Variants in DIAPH3 observed in about 807,000 individuals in gnomAD.
DIAPH3 encodes protein diaphanous homolog 3.
In DIAPH3, 117 loss-of-function variants were observed where a neutral mutation model predicts 144.3. The observed-to-expected ratio is 0.81, with a 90% CI of 0.70 to 0.95. DIAPH3 has a LOEUF of 0.95. Ranked by LOEUF, DIAPH3 falls within the 40% of genes least tolerant of loss-of-function variation. The pLI, the probability that DIAPH3 is intolerant of heterozygous loss-of-function variation, is 0.00. For missense variants in DIAPH3, 1,421 were observed against 1,412.7 expected (o/e 1.01, Z -0.09); for synonymous variants, 519 against 488.9 (o/e 1.06, Z -0.81).
intron 2 of DIAPH3, among the ~76,000 whole-genome samples, chr13:60,128,280 A>C (rs1253919369): frequency 6.6e-6 from 1 of 152,106 alleles, no homozygotes; most frequent in Non-Finnish European, 1.5e-5. Context: ...ATGGTGTATT[A>C]GTACCATACT....
chr13:60,048,892 G>C (rs2056205448), intron 4 of DIAPH3, among the ~76,000 whole-genome samples: 1 of 149,546 alleles, frequency 6.7e-6, no homozygotes, highest in Admixed American at 6.7e-5. Flanking sequence ...GAAGATGTTT[G>C]TTTCTTTTAA....
intron 17 of DIAPH3, among the ~76,000 whole-genome samples, chr13:59,953,426 T>A (rs978351328): frequency 6.6e-6 from 1 of 152,094 alleles, no homozygotes; most frequent in Non-Finnish European, 1.5e-5. Flanking sequence ...GAGAACTACA[T>A]GGAATGTGGA....
chr13:59,971,581 G>T (rs2050380517), intron 15 of DIAPH3, among the ~76,000 whole-genome samples: 1 of 152,144 alleles, frequency 6.6e-6, no homozygotes, highest in South Asian at 2.1e-4. Flanking sequence ...TGGAGTGCAA[G>T]CATTTAAGTG....
chr13:60,047,000 A>G (rs910108448), intron 4 of DIAPH3, among the ~76,000 whole-genome samples: 1 of 152,172 alleles, frequency 6.6e-6, no homozygotes, highest in Non-Finnish European at 1.5e-5. Context: ...AGAGAGGGAT[A>G]GCATTAGGAC....
intron 27 of DIAPH3, among the ~76,000 whole-genome samples, chr13:59,687,465 A>G (rs1341718813): frequency 2.6e-5 from 4 of 152,046 alleles, no homozygotes; most frequent in African/African-American, 7.2e-5. Context: ...AAGAAAACAC[A>G]CCCATTTTTA....
At chr13:59,814,145 T>C (rs1477544325) in intron 24 of DIAPH3, among the ~76,000 whole-genome samples, 2 of 152,188 alleles carry the variant, frequency 1.3e-5, no homozygotes, top group Admixed American at 1.3e-4. Flanking sequence ...CATTTTCTGA[T>C]GTGAATTTTC....
rs372421495 is a variant in DIAPH3, at chr13:59,924,728, A to C, written c.2170+47T>G. The C allele has an allele frequency of 3.2e-5, 50 of 1,575,848 alleles. No individual in the cohort carries two copies. In the African/African-American group the frequency reaches 6.1e-4, roughly 19 times the overall value. On this transcript the variant is annotated intron_variant, in intron 18 of 27. Transcript: ENST00000400324. The stretch of plus-strand genomic sequence containing the variant: ...TCTTAAAGAAAATGAAATCATTTAA[A>C]GAAATATTTCCACTGTCTTTGAATG...
intron 18 of DIAPH3, among the ~76,000 whole-genome samples, chr13:59,920,802 T>G (rs1226702577): frequency 6.6e-6 from 1 of 151,912 alleles, no homozygotes. Context: ...TTCTCTCAAC[T>G]GCACATGGAA....
At chr13:60,105,104 A>AAAAAAAAAAC (rs2058380339) in intron 3 of DIAPH3, among the ~76,000 whole-genome samples, 11 of 66,288 alleles carry the variant, frequency 1.7e-4, no homozygotes, top group South Asian at 1.1e-3. Context: ...GATCTCAAAA[A>AAAAAAAAAAC]AAAAAAAAAA....
intron 4 of DIAPH3, among the ~76,000 whole-genome samples, chr13:60,048,160 A>G (rs2056173559): frequency 6.6e-6 from 1 of 152,228 alleles, no homozygotes; most frequent in Non-Finnish European, 1.5e-5. Flanking sequence ...CTCATTGTGC[A>G]GAGAGAGGCA....
intron 4 of DIAPH3, among the ~76,000 whole-genome samples, chr13:60,046,241 G>C (rs1171815133): frequency 1.3e-5 from 2 of 152,102 alleles, no homozygotes; most frequent in African/African-American, 4.8e-5. Flanking sequence ...AAATCTTAAT[G>C]CTTTAGTTCA....
chr13:60,129,757 T>A (rs1236831349), intron 2 of DIAPH3, among the ~76,000 whole-genome samples: 1 of 152,206 alleles, frequency 6.6e-6, no homozygotes, highest in African/African-American at 2.4e-5. Context: ...GAAAACATAT[T>A]GCCAGTACAT....
At chr13:59,667,274 A>C (rs747615307) in intron 27 of DIAPH3, among the ~76,000 whole-genome samples, 2 of 152,198 alleles carry the variant, frequency 1.3e-5, no homozygotes, top group Admixed American at 6.5e-5. Flanking sequence ...ATGGCTGGAC[A>C]CACAATATAT....
At chr13:60,010,857 G>T (rs2053200583) in intron 7 of DIAPH3, among the ~76,000 whole-genome samples, 188 bp from the exon 8 acceptor site, 1 of 152,058 alleles carries the variant, frequency 6.6e-6, no homozygotes, top group South Asian at 2.1e-4. Flanking sequence ...TGTAATCCCA[G>T]AACTTTGGGA....
chr13:59,675,664 C>T (rs1283590520), intron 27 of DIAPH3, among the ~76,000 whole-genome samples: 3 of 152,142 alleles, frequency 2.0e-5, no homozygotes, highest in Non-Finnish European at 4.4e-5. Context: ...TACAACAATC[C>T]CAAAGTGCAG....
At chr13:59,944,648 T>G (rs913300817) in intron 17 of DIAPH3, among the ~76,000 whole-genome samples, 3 of 152,186 alleles carry the variant, frequency 2.0e-5, no homozygotes, top group Non-Finnish European at 4.4e-5. Flanking sequence ...AGATTTGACT[T>G]CTACTGCTAC....
rs2048179556 is a variant in DIAPH3 at position 59,934,703 on chromosome 13, G to A, written c.2075-9833C>T. ...TCATTCTATAAATCAGGAAACCTAA[G>A]CAGAGAATATAAGCTACATGCTGAA... On this transcript the variant is annotated intron_variant, in intron 17 of 27. Coordinates refer to ENST00000400324, the MANE Select transcript of DIAPH3 (RefSeq NM_001042517.2). 4.0e-5 allele frequency among the ~76,000 whole-genome samples: 6 copies of A among 151,880 alleles called. No individual in the cohort carries two copies. In the South Asian group the frequency reaches 1.2e-3, roughly 32 times the overall value.
rs533618551 is a variant in DIAPH3 at position 59,670,739 on chromosome 13, C to T, written c.3320-3893G>A. Among the ~76,000 whole-genome samples, 24 of 152,176 alleles carry T rather than the reference C, an allele frequency of 1.6e-4. No individual in the cohort carries two copies. The East Asian group carries it at 1.9e-3, about 12-fold the overall frequency. On this transcript the variant is annotated intron_variant, in intron 27 of 27. Transcript: ENST00000400324. ...CTGGGACTACAGGCGCCCGCCACCA[C>T]GCCCGGCTAATTTTTTTGCATTTTT...
At chr13:59,932,074 A>C (rs907656636) in intron 17 of DIAPH3, among the ~76,000 whole-genome samples, 6 of 152,154 alleles carry the variant, frequency 3.9e-5, no homozygotes, top group Non-Finnish European at 8.8e-5. Context: ...GGCTAATAAA[A>C]AAGTTAGTAG....
Sources: allele counts gnomAD v4.1 joint callset (sites outside exome capture counted in the v4.1 genomes callset), GRCh38; gene constraint gnomAD v4.1.1; transcripts MANE v1.5; gene names NCBI Gene and HGNC (gene_info 2026-07-23, HGNC 2026-07-21).